Variants in NAT8 observed in about 807,000 individuals in gnomAD.
NAT8 encodes N-acetyltransferase 8 (putative).
For synonymous variants in NAT8, 131 were observed against 115.4 expected, an observed-to-expected ratio of 1.14 and a Z score of -0.87; for missense variants, 357 against 287.1, an observed-to-expected ratio of 1.24 and a Z score of -1.76.
Position 73,640,976 on chromosome 2 carries a change from T to C in NAT8, c.653A>G (p.His218Arg). The C allele has an allele frequency of 1.2e-6, 2 of 1,610,752 alleles. No homozygotes were observed. Among genetic ancestry groups the C allele is most frequent in the Non-Finnish European group, 1.7e-6 (2 of 1,178,726 alleles). Residue 218 changes from histidine to arginine, a missense_variant, in exon 2 of 2, where the codon CAC becomes CGC. By Grantham distance (29) the His-to-Arg change is conservative (BLOSUM62 0). Transcript: ENST00000272425. ...VALHTVHFIY[H>R]LPSSKVGSL ...ACTCCCTACCTTAGAAGAAGGGAGG[T>C]GGTAGATGAAATGAACTGTATGAAG... is the stretch of plus-strand genomic sequence containing the variant.
Position 73,641,465 on chromosome 2 carries a change from A to T in NAT8, c.164T>A (p.Leu55Gln), listed in dbSNP as rs1375457918. The change falls in exon 2 of 2, where the codon CTG becomes CAG. Residue 55 changes from leucine (L) to glutamine (Q), a missense_variant. Leu to Gln is a moderately radical substitution (Grantham distance 113, BLOSUM62 -2). Transcript: ENST00000272425. Reference sequence around the variant, plus strand: ...GGCTAGAAGCCAGGATCCAGAGACCAGGAGTAGGGCGAGGGGCCCCCCAAG... The same window carrying T: ...GGCTAGAAGCCAGGATCCAGAGACCTGGAGTAGGGCGAGGGGCCCCCCAAG... ...LLLGGPLALL[L>Q]VSGSWLLALV... The T allele has an allele frequency of 6.2e-7, 1 of 1,614,050 alleles. No homozygotes were observed. Among genetic ancestry groups the T allele is most frequent in the Admixed American group, 1.7e-5 (1 of 59,942 alleles).
In NAT8 at chr2:73,640,980, A is replaced by G; in HGVS notation, c.649T>C (p.Tyr217His). 1.9e-6 allele frequency: 3 copies of G among 1,613,716 alleles called. No homozygotes were observed. Among genetic ancestry groups the G allele is most frequent in the South Asian group, 1.1e-5 (1 of 91,046 alleles). The change falls in exon 2 of 2, where the codon TAC becomes CAC. Residue 217 changes from tyrosine to histidine, a missense_variant. Coordinates refer to ENST00000272425, the MANE Select transcript of NAT8 (RefSeq NM_003960.4). The part of the protein sequence containing the change: ...LVALHTVHFI[Y>H]HLPSSKVGSL Reference sequence around the variant, plus strand: ...CCTACCTTAGAAGAAGGGAGGTGGTAGATGAAATGAACTGTATGAAGAGCC... The same window carrying G: ...CCTACCTTAGAAGAAGGGAGGTGGTGGATGAAATGAACTGTATGAAGAGCC...
In NAT8 at chr2:73,641,431, G is replaced by A; in HGVS notation, c.198C>T (p.Phe66=). The A allele has an allele frequency of 6.2e-7, 1 of 1,614,124 alleles. No homozygotes were observed. The highest frequency in any genetic ancestry group is 2.2e-5 in the East Asian group (1 of 44,878). Residue 66 remains phenylalanine (F), a synonymous_variant, in exon 2 of 2, where the codon TTC becomes TTT. Coordinates refer to ENST00000272425, the MANE Select transcript of NAT8 (RefSeq NM_003960.4). The part of the protein sequence containing the change: ...VSGSWLLALV[F]SISLFPALWF... ...ACAGGGCAGGGAAGAGGCTGATGCT[G>A]AACACGAGGGCTAGAAGCCAGGATC...
In NAT8 at chr2:73,641,479, G is replaced by A; in HGVS notation, c.150C>T (p.Pro50=). The A allele has an allele frequency of 6.2e-7, 1 of 1,614,014 alleles. No homozygotes were observed. The highest frequency in any genetic ancestry group is 8.5e-7 in the Non-Finnish European group (1 of 1,179,990). The change falls in exon 2 of 2, where the codon CCC becomes CCT. Residue 50 remains proline (P), a synonymous_variant. Coordinates refer to ENST00000272425, the MANE Select transcript of NAT8 (RefSeq NM_003960.4). ...ATCCAGAGACCAGGAGTAGGGCGAG[G>A]GGCCCCCCAAGTAAGAGTATGAGGG... ...PRTLILLLGG[P]LALLLVSGSW...
chr2:73,640,964 G>T lies in NAT8; in HGVS notation c.665C>A (p.Ser222Tyr). ...AAGAGATCACAGACTCCCTACCTTA[G>T]AAGAAGGGAGGTGGTAGATGAAATG... ...TVHFIYHLPS[S>Y]KVGSL Residue 222 changes from serine to tyrosine, a missense_variant, in exon 2 of 2, where the codon TCT becomes TAT. Physicochemically the swap from Ser to Tyr is moderately radical, Grantham distance 144. Coordinates refer to ENST00000272425, the MANE Select transcript of NAT8 (RefSeq NM_003960.4). 1 of 1,612,488 alleles carries T rather than the reference G, an allele frequency of 6.2e-7. No individual in the cohort carries two copies. Among genetic ancestry groups the T allele is most frequent in the African/African-American group, 1.3e-5 (1 of 74,998 alleles).
rs756238072 is a variant in NAT8, at chr2:73,641,388, GT to G, written c.240del (p.Lys80AsnfsTer9). ...GTCATGTCCACATACTCCGTCCAGGGTTTTTTGGCAAGGAACCACAGGGCAG... is the reference window on the plus strand; with the variant it reads ...GTCATGTCCACATACTCCGTCCAGGGTTTTTGGCAAGGAACCACAGGGCAG... Reference protein sequence around the residue: ...LFPALWFLAKKPWTEYVDMTL... With the variant: ...LFPALWFLAKXPWTEYVDMTL... On this transcript the variant is annotated frameshift_variant, in exon 2 of 2. Transcript: ENST00000272425. LOFTEE classifies it low-confidence loss of function (END_TRUNC). 95 of 1,613,960 alleles carry G rather than the reference GT, an allele frequency of 5.9e-5. 2 individuals are homozygous for G. In the African/African-American group the frequency reaches 9.7e-4, roughly 17 times the overall value.
At chr2:73,641,934 T>A (rs1676410954) in intron 1 of NAT8, among the ~76,000 whole-genome samples, 1 of 152,158 alleles carries the variant, frequency 6.6e-6, no homozygotes, top group African/African-American at 2.4e-5. Context: ...TTTCTTCAAC[T>A]ATAGAACAGG....
In NAT8 at chr2:73,641,625, C is replaced by A. The variant is rs545638872; in HGVS notation, c.4G>T (p.Ala2Ser). The change falls in exon 2 of 2, where the codon GCT becomes TCT. Residue 2 changes from alanine (A) to serine (S), a missense_variant. Coordinates refer to ENST00000272425, the MANE Select transcript of NAT8 (RefSeq NM_003960.4). Reference sequence around the variant, plus strand: ...TGGTATTTGCGGATGTGACAAGGAGCCATGGACAGACTTCTGTGTCTGAAA... The same window carrying A: ...TGGTATTTGCGGATGTGACAAGGAGACATGGACAGACTTCTGTGTCTGAAA... M[A>S]PCHIRKYQES... 1.3e-6 allele frequency: 2 copies of A among 1,538,490 alleles called. No homozygotes were observed. The highest frequency in any genetic ancestry group is 8.7e-7 in the Non-Finnish European group (1 of 1,143,678).
In NAT8 at chr2:73,641,370, C is replaced by A. The variant is rs199809643; in HGVS notation, c.259G>T (p.Asp87Tyr). 2 of 1,614,078 alleles carry A rather than the reference C, an allele frequency of 1.2e-6. No individual in the cohort carries two copies. The highest frequency in any genetic ancestry group is 1.7e-6 in the Non-Finnish European group (2 of 1,180,032). Reference sequence around the variant, plus strand: ...GACATGTCTGTGCACAATGTCATGTCCACATACTCCGTCCAGGGTTTTTTG... The same window carrying A: ...GACATGTCTGTGCACAATGTCATGTACACATACTCCGTCCAGGGTTTTTTG... ...LAKKPWTEYV[D>Y]MTLCTDMSDI... The change falls in exon 2 of 2, where the codon GAC becomes TAC. Residue 87 changes from aspartate to tyrosine, a missense_variant. Physicochemically the swap from Asp to Tyr is radical, Grantham distance 160. Transcript: ENST00000272425.
Position 73,641,544 on chromosome 2 carries a change from C to T in NAT8, c.85G>A (p.Ala29Thr), listed in dbSNP as rs139248396. 442 of 1,610,088 alleles carry T rather than the reference C, an allele frequency of 2.7e-4. No homozygotes were observed. The highest frequency in any genetic ancestry group is 3.6e-4 in the Non-Finnish European group (421 of 1,178,098). The change falls in exon 2 of 2, where the codon GCC (alanine) becomes ACC (threonine). Residue 29 changes from alanine (A) to threonine (T), a missense_variant. Ala to Thr is a moderately conservative substitution (Grantham distance 58). Coordinates refer to ENST00000272425, the MANE Select transcript of NAT8 (RefSeq NM_003960.4). ...GLLSRGMAEHAPATFRQLLKL... is the reference protein window; with the variant it reads ...GLLSRGMAEHTPATFRQLLKL... ...AGCAATTGCCGGAAGGTGGCTGGGG[C>T]ATGCTCGGCCATCCCCCGGGAGAGC... is the stretch of plus-strand genomic sequence containing the variant.
At position 73,641,594 on chromosome 2, in the gene NAT8, C is replaced by A; in HGVS notation, c.35G>T (p.Ser12Ile). ...CAAGCCCACAACCCACTGGCGGTCG[C>A]TCTCCTGGTATTTGCGGATGTGACA... ...APCHIRKYQE[S>I]DRQWVVGLLS... Residue 12 changes from serine to isoleucine, a missense_variant, in exon 2 of 2, where the codon AGC (serine) becomes ATC (isoleucine). By Grantham distance (142) the Ser-to-Ile change is moderately radical. Coordinates refer to ENST00000272425, the MANE Select transcript of NAT8 (RefSeq NM_003960.4). 5 of 1,568,146 alleles carry A rather than the reference C, an allele frequency of 3.2e-6. No homozygotes were observed. Among genetic ancestry groups the A allele is most frequent in the Non-Finnish European group, 4.3e-6 (5 of 1,158,036 alleles).
At position 73,641,087 on chromosome 2, in the gene NAT8, T is replaced by G; in HGVS notation, c.542A>C (p.Gln181Pro). 6.2e-7 allele frequency: 1 copy of G among 1,614,138 alleles called. No homozygotes were observed. The highest frequency in any genetic ancestry group is 2.2e-5 in the East Asian group (1 of 44,882). ...CTGGTAGAGGGCCATAGCAGAGAGC[T>G]GGATGGTGCCGGTGTCCAGGATAAC... ...SEVILDTGTIQLSAMALYQSM... is the reference protein window; with the variant it reads ...SEVILDTGTIPLSAMALYQSM... The change falls in exon 2 of 2, where the codon CAG becomes CCG. Residue 181 changes from glutamine to proline, a missense_variant. Gln to Pro is a moderately conservative substitution (Grantham distance 76, BLOSUM62 -1). Coordinates refer to ENST00000272425, the MANE Select transcript of NAT8 (RefSeq NM_003960.4).
intron 1 of NAT8, among the ~76,000 whole-genome samples, chr2:73,641,946 GA>G (rs1194842421): frequency 6.6e-6 from 1 of 152,116 alleles, no homozygotes; most frequent in East Asian, 1.9e-4. Context: ...TAGAACAGGG[GA>G]GAAGAAAACC....
At position 73,641,029 on chromosome 2, in the gene NAT8, G is replaced by A; in HGVS notation, c.600C>T (p.Phe200=). Reference sequence around the variant, plus strand: ...CCACTAGCCTGGCCCACACACAGAAGAAGGACTGGCCCGTCTTCTTGAAGC... The same window carrying A: ...CCACTAGCCTGGCCCACACACAGAAAAAGGACTGGCCCGTCTTCTTGAAGC... ...SMGFKKTGQS[F]FCVWARLVAL... Residue 200 remains phenylalanine (F), a synonymous_variant, in exon 2 of 2, where the codon TTC becomes TTT. Coordinates refer to ENST00000272425, the MANE Select transcript of NAT8 (RefSeq NM_003960.4). The A allele has an allele frequency of 6.2e-7, 1 of 1,614,152 alleles. No individual in the cohort carries two copies. The highest frequency in any genetic ancestry group is 1.1e-5 in the South Asian group (1 of 91,080).
In NAT8 at chr2:73,641,437, G is replaced by A. The variant is rs761252433; in HGVS notation, c.192C>T (p.Leu64=). The change falls in exon 2 of 2, where the codon CTC becomes CTT. Residue 64 remains leucine, a synonymous_variant. Transcript: ENST00000272425. ...LLVSGSWLLA[L]VFSISLFPAL... ...CAGGGAAGAGGCTGATGCTGAACACGAGGGCTAGAAGCCAGGATCCAGAGA... is the reference window on the plus strand; with the variant it reads ...CAGGGAAGAGGCTGATGCTGAACACAAGGGCTAGAAGCCAGGATCCAGAGA... 149 of 1,614,086 alleles carry A rather than the reference G, an allele frequency of 9.2e-5. No homozygotes were observed. The highest frequency in any genetic ancestry group is 3.6e-4 in the East Asian group (16 of 44,874).
chr2:73,641,024 CAG>C lies in NAT8; in HGVS notation c.603_604del (p.Phe201LeufsTer22). ...AAGAGCCACTAGCCTGGCCCACACACAGAAGAAGGACTGGCCCGTCTTCTTGA... is the reference window on the plus strand; with the variant it reads ...AAGAGCCACTAGCCTGGCCCACACACAAGAAGGACTGGCCCGTCTTCTTGA... On this transcript the variant is annotated frameshift_variant, in exon 2 of 2. Coordinates refer to ENST00000272425, the MANE Select transcript of NAT8 (RefSeq NM_003960.4). LOFTEE classifies it low-confidence loss of function (END_TRUNC). The C allele has an allele frequency of 1.2e-6, 2 of 1,614,144 alleles. No homozygotes were observed. Among genetic ancestry groups the C allele is most frequent in the Middle Eastern group, 1.6e-4 (1 of 6,062 alleles).
At position 73,640,948 on chromosome 2, in the gene NAT8, C is replaced by T. The variant is rs1062874; in HGVS notation, c.681G>A (p.Leu227=). ...GACCAATACACACAGAAAGAGATCACAGACTCCCTACCTTAGAAGAAGGGA... is the reference window on the plus strand; with the variant it reads ...GACCAATACACACAGAAAGAGATCATAGACTCCCTACCTTAGAAGAAGGGA... ...YHLPSSKVGS[L] is the part of the protein sequence containing the mutation. Residue 227 remains leucine (L), a synonymous_variant, in exon 2 of 2, where the codon CTG becomes CTA. Coordinates refer to ENST00000272425, the MANE Select transcript of NAT8 (RefSeq NM_003960.4). The T allele has an allele frequency of 2.5e-6, 4 of 1,606,646 alleles. No homozygotes were observed. The highest frequency in any genetic ancestry group is 2.5e-6 in the Non-Finnish European group (3 of 1,176,480).
chr2:73,640,901 A>C lies in NAT8; in HGVS notation c.*44T>G. 1.3e-6 allele frequency: 2 copies of C among 1,531,202 alleles called. No individual in the cohort carries two copies. The highest frequency in any genetic ancestry group is 1.8e-6 in the Non-Finnish European group (2 of 1,134,046). 94.9% of individuals were successfully genotyped at this position (1,531,202 alleles called of 1,614,324 possible). A position where few individuals can be genotyped will look rare whatever the true frequency, so the allele number is the denominator to read the frequency against. On this transcript the variant is annotated 3_prime_UTR_variant, in exon 2 of 2. Coordinates refer to ENST00000272425, the MANE Select transcript of NAT8 (RefSeq NM_003960.4). ...GAAAGGTTGGGGATTGCTTGCTGCT[A>C]CAGCTGAATGGATTCTATTCTGACC...
Position 73,641,566 on chromosome 2 carries a change from G to A in NAT8, c.63C>T (p.Leu21=), listed in dbSNP as rs894962494. The A allele has an allele frequency of 1.3e-5, 20 of 1,599,662 alleles. No homozygotes were observed. The highest frequency in any genetic ancestry group is 1.5e-5 in the Non-Finnish European group (18 of 1,172,854). ...GGGCATGCTCGGCCATCCCCCGGGA[G>A]AGCAAGCCCACAACCCACTGGCGGT... The part of the protein sequence containing the change: ...ESDRQWVVGL[L]SRGMAEHAPA... Residue 21 remains leucine, a synonymous_variant, in exon 2 of 2, where the codon CTC becomes CTT. Coordinates refer to ENST00000272425, the MANE Select transcript of NAT8 (RefSeq NM_003960.4).
Sources: gnomAD v4.1 joint callset for allele counts (sites outside exome capture counted in the v4.1 genomes callset) on GRCh38, gnomAD v4.1.1 for gene constraint, MANE v1.5 for transcripts, NCBI Gene and HGNC (gene_info 2026-07-23, HGNC 2026-07-21) for gene names.